Variants in ELMO1 observed in about 807,000 individuals in gnomAD.
ELMO1 encodes the protein engulfment and cell motility protein 1.
ELMO1 carries 26 observed loss-of-function variants against 98.9 expected under a neutral mutation model. That is an observed-to-expected ratio of 0.26 (90% confidence interval 0.19 to 0.36). The LOEUF (loss-of-function observed/expected upper bound fraction) is 0.36, where lower values mean the gene tolerates loss of function less well. Among genes scored for constraint, ELMO1 ranks in the 10% least tolerant of loss-of-function variants. The probability of loss-of-function intolerance (pLI) is 1.00; values close to 1 mark genes in which losing one functional copy is unlikely to be tolerated. For synonymous variants in ELMO1, 346 were observed against 346.0 expected (o/e 1.00, Z 0.00); for missense variants, 627 against 935.2 (o/e 0.67, Z 4.30).
intron 17 of ELMO1, among the ~76,000 whole-genome samples, chr7:36,893,916 G>A (rs1286311592): frequency 6.6e-6 from 1 of 152,166 alleles, no homozygotes; most frequent in African/African-American, 2.4e-5. Flanking sequence ...AACAAAAAGG[G>A]AAAGAATCAG....
At chr7:37,185,372 T>C (rs1456439210) in intron 13 of ELMO1, among the ~76,000 whole-genome samples, 2 of 152,202 alleles carry the variant, frequency 1.3e-5, no homozygotes, top group Non-Finnish European at 2.9e-5. Flanking sequence ...TTGTTAAAAA[T>C]AACATTGTAT....
chr7:36,880,835 C>T (rs1804392865), intron 18 of ELMO1, among the ~76,000 whole-genome samples: 1 of 152,202 alleles, frequency 6.6e-6, no homozygotes, highest in South Asian at 2.1e-4. Flanking sequence ...GTCAGAGTTT[C>T]AAGAGGCAAA....
intron 7 of ELMO1, among the ~76,000 whole-genome samples, chr7:37,237,289 A>T (rs960168495): frequency 3.8e-4 from 57 of 151,882 alleles, no homozygotes; most frequent in Non-Finnish European, 2.9e-4. Context: ...ACAGAATTTT[A>T]TTTATTTATT....
chr7:37,391,839 G>C, intron 1 of ELMO1, among the ~76,000 whole-genome samples: 1 of 152,236 alleles, frequency 6.6e-6, no homozygotes. Flanking sequence ...CCAGGGCTAA[G>C]TACCCAGAAG....
At chr7:37,168,749 T>A (rs907733256) in intron 13 of ELMO1, among the ~76,000 whole-genome samples, 1 of 152,176 alleles carries the variant, frequency 6.6e-6, no homozygotes, top group East Asian at 1.9e-4. Flanking sequence ...CTGCCCCTAC[T>A]GGGGGGTGCC....
intron 16 of ELMO1, among the ~76,000 whole-genome samples, chr7:37,005,517 C>T (rs1231683008): frequency 6.6e-6 from 1 of 151,856 alleles, no homozygotes; most frequent in Non-Finnish European, 1.5e-5. Context: ...CATGGTGAAA[C>T]CCCATCTGTA....
chr7:36,932,819 C>T (rs1786156532), intron 16 of ELMO1, among the ~76,000 whole-genome samples: 1 of 152,182 alleles, frequency 6.6e-6, no homozygotes, highest in South Asian at 2.1e-4. Flanking sequence ...CTCCATTCAT[C>T]ACTGAGTGTC....
intron 8 of ELMO1, among the ~76,000 whole-genome samples, chr7:37,232,776 T>A (rs1794248847): frequency 6.6e-6 from 1 of 152,290 alleles, no homozygotes; most frequent in East Asian, 1.9e-4. Flanking sequence ...AGGATGACAG[T>A]AGGAACTCTG....
At chr7:36,923,762 T>C (rs912322139) in intron 16 of ELMO1, among the ~76,000 whole-genome samples, 1 of 152,194 alleles carries the variant, frequency 6.6e-6, no homozygotes, top group Non-Finnish European at 1.5e-5. Flanking sequence ...AGAACTATAA[T>C]ATACTACAGG....
At chr7:37,364,005 T>C (rs1368611895) in intron 1 of ELMO1, among the ~76,000 whole-genome samples, 1 of 152,092 alleles carries the variant, frequency 6.6e-6, no homozygotes, top group Non-Finnish European at 1.5e-5. Flanking sequence ...CTAATGCAAA[T>C]CCCTCAGGAA....
chr7:36,924,044 C>A (rs1785346480), intron 16 of ELMO1, among the ~76,000 whole-genome samples: 1 of 152,166 alleles, frequency 6.6e-6, no homozygotes, highest in African/African-American at 2.4e-5. Context: ...TCTGCAGGAG[C>A]CACTAAAGGG....
In ELMO1 at chr7:37,120,220, G is replaced by C. The variant is rs186771336; in HGVS notation, c.1191+12910C>G. On this transcript the variant is annotated intron_variant, in intron 14 of 21. Transcript: ENST00000310758. The stretch of plus-strand genomic sequence containing the variant: ...TACAGCTCCCAGCGTGAGCAACTCA[G>C]AAAACGGGTGATTTCTGCATTTCAA... Among the ~76,000 whole-genome samples, 136 of 152,332 alleles carry C rather than the reference G, an allele frequency of 8.9e-4. 1 individual carries two copies. In the East Asian group the frequency reaches 0.02, roughly 22 times the overall value.
chr7:36,912,831 T>A (rs1005029573), intron 16 of ELMO1, among the ~76,000 whole-genome samples: 1 of 152,156 alleles, frequency 6.6e-6, no homozygotes, highest in Non-Finnish European at 1.5e-5. Flanking sequence ...AATATTAAAT[T>A]AGATAACATA....
At chr7:36,904,476 C>G (rs150670729) in intron 16 of ELMO1, among the ~76,000 whole-genome samples, 2 of 152,182 alleles carry the variant, frequency 1.3e-5, no homozygotes, top group Non-Finnish European at 2.9e-5. Context: ...TGTTAGCCCC[C>G]TAAATAACTA....
In ELMO1 at chr7:37,356,001, G is replaced by T. The variant is rs1483841834; in HGVS notation, c.-73-13238C>A. Among the ~76,000 whole-genome samples the T allele has an allele frequency of 2.0e-5, 3 of 152,292 alleles. No individual in the cohort carries two copies. In the East Asian group the frequency reaches 5.8e-4, roughly 29 times the overall value. On this transcript the variant is annotated intron_variant, in intron 1 of 21. Coordinates refer to ENST00000310758, the MANE Select transcript of ELMO1 (RefSeq NM_014800.11). ...AGACAGAGGGTAGTGTTAGGGCTTA[G>T]AAAACAATCAATACCCCAAAGTATG... is the stretch of plus-strand genomic sequence containing the variant.
chr7:36,968,163 G>A (rs1789607860), intron 16 of ELMO1, among the ~76,000 whole-genome samples: 1 of 151,888 alleles, frequency 6.6e-6, no homozygotes, highest in Admixed American at 6.6e-5. Context: ...TTTTCTAGAT[G>A]AAATCATTCT....
intron 13 of ELMO1, among the ~76,000 whole-genome samples, chr7:37,198,307 T>A (rs915500057): frequency 5.3e-5 from 8 of 152,218 alleles, no homozygotes; most frequent in Non-Finnish European, 1.0e-4. Flanking sequence ...AAATGAAGAA[T>A]GTCCCCAGTC....
chr7:37,145,998 G>A (rs1563033410), intron 13 of ELMO1, among the ~76,000 whole-genome samples: 1 of 152,072 alleles, frequency 6.6e-6, no homozygotes, highest in Non-Finnish European at 1.5e-5. Context: ...ATAAGCTCCT[G>A]AGAACAGCAG....
intron 17 of ELMO1, among the ~76,000 whole-genome samples, chr7:36,888,499 T>C (rs941572307): frequency 1.3e-5 from 2 of 152,130 alleles, no homozygotes; most frequent in East Asian, 1.9e-4. Flanking sequence ...GGTTAGAACA[T>C]AGATCTACAA....
Sources: gnomAD v4.1 joint callset for allele counts (sites outside exome capture counted in the v4.1 genomes callset) on GRCh38, gnomAD v4.1.1 for gene constraint, MANE v1.5 for transcripts, NCBI Gene and HGNC (gene_info 2026-07-23, HGNC 2026-07-21) for gene names.